Variants in SYNPR observed in about 807,000 individuals in gnomAD.
SYNPR encodes synaptoporin.
A neutral mutation model predicts 32.9 loss-of-function variants in SYNPR; 23 were observed. That is an observed-to-expected ratio of 0.70 (90% confidence interval 0.50 to 0.99). The LOEUF is 0.99. SYNPR is among the 50% of genes least tolerant of loss of function. The probability of loss-of-function intolerance (pLI) is 0.00; values close to 1 mark genes in which losing one functional copy is unlikely to be tolerated. For missense variants in SYNPR, 318 were observed against 349.3 expected (o/e 0.91, Z 0.71); for synonymous variants, 146 against 135.9 (o/e 1.07, Z -0.52).
intron 3 of SYNPR, among the ~76,000 whole-genome samples, chr3:63,536,530 A>G (rs1371506612): frequency 6.6e-6 from 1 of 152,168 alleles, no homozygotes; most frequent in Non-Finnish European, 1.5e-5. Flanking sequence ...TTGTAAAACC[A>G]CTTTGGAAAA....
At chr3:63,433,664 AC>A (rs1306348168) in intron 2 of SYNPR, among the ~76,000 whole-genome samples, 1 of 152,180 alleles carries the variant, frequency 6.6e-6, no homozygotes, top group Non-Finnish European at 1.5e-5. Flanking sequence ...CCCATCGGAT[AC>A]CAGGGCTGCA....
At chr3:63,261,513 C>T (rs1339836787) in intron 2 of SYNPR, among the ~76,000 whole-genome samples, 1 of 136,500 alleles carries the variant, frequency 7.3e-6, no homozygotes, top group Non-Finnish European at 1.5e-5. Flanking sequence ...GGGAATTGAA[C>T]AATGAGAACA....
chr3:63,492,992 G>T (rs1701284203), intron 3 of SYNPR, among the ~76,000 whole-genome samples: 1 of 152,096 alleles, frequency 6.6e-6, no homozygotes, highest in African/African-American at 2.4e-5. Flanking sequence ...TATGTCATGT[G>T]CCTTGAAAAT....
chr3:63,602,425 C>A (rs985276496), intron 4 of SYNPR, among the ~76,000 whole-genome samples: 1 of 152,068 alleles, frequency 6.6e-6, no homozygotes, highest in Non-Finnish European at 1.5e-5. Context: ...TCTCTGCCAG[C>A]TCTTATGTCC....
chr3:63,488,010 G>A (rs1456764135), intron 3 of SYNPR, among the ~76,000 whole-genome samples: 1 of 152,102 alleles, frequency 6.6e-6, no homozygotes, highest in African/African-American at 2.4e-5. Context: ...CACGGGGGCA[G>A]GTGCAAGTAG....
intron 3 of SYNPR, among the ~76,000 whole-genome samples, chr3:63,553,526 A>T (rs995152609): frequency 1.3e-5 from 2 of 152,168 alleles, no homozygotes; most frequent in African/African-American, 2.4e-5. Context: ...AATGCTTTCC[A>T]TGGTGGCTAA....
At chr3:63,563,796 G>C (rs984959425) in intron 4 of SYNPR, among the ~76,000 whole-genome samples, 1 of 152,078 alleles carries the variant, frequency 6.6e-6, no homozygotes, top group African/African-American at 2.4e-5. Flanking sequence ...ACAGGCTTTG[G>C]TAACCTAGAG....
intron 4 of SYNPR, among the ~76,000 whole-genome samples, chr3:63,562,562 C>A (rs6414558): frequency 2.0e-5 from 3 of 151,966 alleles, no homozygotes; most frequent in Non-Finnish European, 2.9e-5. Flanking sequence ...AGTGGTATCA[C>A]GGCTCACCTT....
intron 2 of SYNPR, among the ~76,000 whole-genome samples, chr3:63,304,344 G>A (rs1179599904): frequency 7.1e-6 from 1 of 141,106 alleles, no homozygotes; most frequent in African/African-American, 2.7e-5. Flanking sequence ...AAAAGAAAGT[G>A]TGTGTGTGTT....
intron 2 of SYNPR, among the ~76,000 whole-genome samples, chr3:63,306,425 G>A (rs2086911583): frequency 6.6e-6 from 1 of 151,902 alleles, no homozygotes; most frequent in African/African-American, 2.4e-5. Context: ...GCTGTACTAA[G>A]GCAGGTGGCT....
intron 4 of SYNPR, among the ~76,000 whole-genome samples, chr3:63,558,890 G>A (rs559872616): frequency 6.6e-6 from 1 of 151,644 alleles, no homozygotes; most frequent in East Asian, 1.9e-4. Flanking sequence ...ATTCTGTGAG[G>A]GAAGTATAAT....
chr3:63,551,749 C>T (rs1216151298), intron 3 of SYNPR, among the ~76,000 whole-genome samples: 1 of 152,112 alleles, frequency 6.6e-6, no homozygotes, highest in African/African-American at 2.4e-5. Context: ...GCTACCCCAC[C>T]CTCAAACTAG....
chr3:63,397,548 G>A (rs1304327977), intron 2 of SYNPR, among the ~76,000 whole-genome samples: 1 of 152,108 alleles, frequency 6.6e-6, no homozygotes, highest in African/African-American at 2.4e-5. Context: ...TGGACCCAGA[G>A]AATGACAGTT....
chr3:63,407,189 A>C lies in SYNPR; in HGVS notation c.85-73643A>C, dbSNP rs139483718. On this transcript the variant is annotated intron_variant, in intron 2 of 5. Transcript: ENST00000478300. ...CGTGGAGAAATCACATAAGCAGTTT[A>C]GGACAGCAGTAATAATGAACCATTA... Among the ~76,000 whole-genome samples the C allele has an allele frequency of 9.1e-3, 1,380 of 152,334 alleles. 10 individuals carry two copies. Among genetic ancestry groups the C allele is most frequent in the Non-Finnish European group, 0.014 (934 of 68,022 alleles).
the SYNPR span, among the ~76,000 whole-genome samples, chr3:63,222,755 G>A: frequency 2.6e-4 from 39 of 152,144 alleles, no homozygotes; most frequent in Non-Finnish European, 4.8e-4. Flanking sequence ...GATCTCAGTT[G>A]ATCCACCTGC....
chr3:63,222,491 C>A, the SYNPR span, among the ~76,000 whole-genome samples: 1 of 152,026 alleles, frequency 6.6e-6, no homozygotes, highest in South Asian at 2.1e-4. Context: ...TTATTTTTCC[C>A]TTCCTTGATG....
rs71126590 is a variant in SYNPR, at chr3:63,265,241, CTTTTTTT to C, written n.155-2056_155-2050del. Among the ~76,000 whole-genome samples, 21 of 102,202 alleles carry C rather than the reference CTTTTTTT, an allele frequency of 2.1e-4. 1 individual carries two copies. Among genetic ancestry groups the C allele is most frequent in the East Asian group, 1.2e-3 (3 of 2,496 alleles). 67.0% of individuals were successfully genotyped at this position (102,202 alleles called of 152,430 possible). A position where few individuals can be genotyped will look rare whatever the true frequency, so the allele number is the denominator to read the frequency against. On this transcript the variant is annotated intron_variant and non_coding_transcript_variant, in intron 2 of 4. Transcript: ENST00000478456. ...TGGCAATTTGGTTTCTAATGACATTCTTTTTTTTTTTTTTTTTTTTTTTTTTCTGAGA... is the reference window on the plus strand; with the variant it reads ...TGGCAATTTGGTTTCTAATGACATTCTTTTTTTTTTTTTTTTTTTCTGAGA...
In SYNPR at chr3:63,556,657, C is replaced by T. The variant is rs879060829; in HGVS notation, c.324C>T (p.Phe108=). The change falls in exon 4 of 6, where the codon TTC becomes TTT. Residue 108 remains phenylalanine (F), a synonymous_variant. Coordinates refer to ENST00000478300, the MANE Select transcript of SYNPR (RefSeq NM_001130003.2). The part of the protein sequence containing the change: ...SAEFFVTVAV[F]AFLYSLAATV... ...AGTTCTTCGTCACTGTTGCTGTCTT[C>T]GCCTTCCTCTACTCTTTGGCTGCCA... 3.7e-6 allele frequency: 6 copies of T among 1,613,724 alleles called. No homozygotes were observed. The highest frequency in any genetic ancestry group is 2.7e-5 in the African/African-American group (2 of 74,942).
intron 2 of SYNPR, chr3:63,426,584 C>G (rs1349198166): frequency 6.6e-6 from 1 of 152,146 alleles, no homozygotes; most frequent in Non-Finnish European, 1.5e-5. Context: ...ACATACTTCT[C>G]CATACATTGC....
Sources: gnomAD v4.1 joint callset for allele counts (sites outside exome capture counted in the v4.1 genomes callset) on GRCh38, gnomAD v4.1.1 for gene constraint, MANE v1.5 for transcripts, NCBI Gene and HGNC (gene_info 2026-07-23, HGNC 2026-07-21) for gene names.